The following PODXL variants were observed in gnomAD, a reference collection of about 807,000 sequenced individuals.
PODXL encodes the protein podocalyxin.
PODXL carries 20 observed loss-of-function variants against 48.9 expected under a neutral mutation model. The observed-to-expected ratio is 0.41, with a 90% CI of 0.29 to 0.59. The LOEUF (loss-of-function observed/expected upper bound fraction) is 0.59, where lower values mean the gene tolerates loss of function less well. Among genes scored for constraint, PODXL ranks in the 20% least tolerant of loss-of-function variants. The pLI, the probability that PODXL is intolerant of heterozygous loss-of-function variation, is 0.31. For missense variants in PODXL, 606 were observed against 675.1 expected (o/e 0.90, Z 1.13); for synonymous variants, 295 against 287.4 (o/e 1.03, Z -0.27).
At chr7:131,550,515 G>A (rs528734571) in intron 1 of PODXL, among the ~76,000 whole-genome samples, 6 of 152,140 alleles carry the variant, frequency 3.9e-5, no homozygotes, top group East Asian at 1.9e-4. Flanking sequence ...GTGTGGTGGC[G>A]CATGCCTGTA....
chr7:131,541,035 C>A (rs1476686844), intron 1 of PODXL, among the ~76,000 whole-genome samples: 1 of 152,206 alleles, frequency 6.6e-6, no homozygotes, highest in Non-Finnish European at 1.5e-5. Context: ...CGAGAATTCT[C>A]CCCTTCCAGG....
In PODXL at chr7:131,542,234, C is replaced by T. The variant is rs535023459; in HGVS notation, c.100+14026G>A. On this transcript the variant is annotated intron_variant, in intron 1 of 8. Coordinates refer to ENST00000378555, the MANE Select transcript of PODXL (RefSeq NM_001018111.3). ...CCCTGGCCCTCAAGGCTCCATGCCCCGTTCTCTCTCTGCCCTCTCTCTCTG... is the reference window on the plus strand; with the variant it reads ...CCCTGGCCCTCAAGGCTCCATGCCCTGTTCTCTCTCTGCCCTCTCTCTCTG... Among the ~76,000 whole-genome samples the T allele has an allele frequency of 2.6e-5, 4 of 152,324 alleles. No individual in the cohort carries two copies. The South Asian group carries it at 6.2e-4, about 24-fold the overall frequency.
At chr7:131,530,052 A>G (rs867916708) in intron 1 of PODXL, among the ~76,000 whole-genome samples, 5 of 151,326 alleles carry the variant, frequency 3.3e-5, no homozygotes, top group Admixed American at 6.6e-5. Context: ...TCTGCTCCAC[A>G]AGCCTCTTCT....
At chr7:131,547,160 GGTTGGGA>G (rs1798592483) in intron 1 of PODXL, among the ~76,000 whole-genome samples, 1 of 152,044 alleles carries the variant, frequency 6.6e-6, no homozygotes, top group Non-Finnish European at 1.5e-5. Flanking sequence ...GATCACCTGA[GGTTGGGA>G]GTTCAAGACC....
intron 1 of PODXL, among the ~76,000 whole-genome samples, chr7:131,520,755 T>G (rs541835990): frequency 6.6e-6 from 1 of 152,222 alleles, no homozygotes; most frequent in African/African-American, 2.4e-5. Flanking sequence ...AGAAAAAGAC[T>G]GATACATTTA....
chr7:131,510,083 C>T (rs892089532), intron 3 of PODXL, among the ~76,000 whole-genome samples, 153 bp downstream of exon 3: 3 of 152,182 alleles, frequency 2.0e-5, no homozygotes, highest in Admixed American at 2.0e-4. Context: ...CGCTCAGAAA[C>T]TCTGGGTCCA....
intron 1 of PODXL, among the ~76,000 whole-genome samples, chr7:131,547,234 G>A (rs552612252): frequency 7.2e-5 from 11 of 152,090 alleles, no homozygotes; most frequent in Admixed American, 4.6e-4. Flanking sequence ...TTAGGTGGGC[G>A]TGGTGGTGCA....
chr7:131,526,321 A>C (rs1798185271), intron 1 of PODXL, among the ~76,000 whole-genome samples: 1 of 152,204 alleles, frequency 6.6e-6, no homozygotes, highest in African/African-American at 2.4e-5. Context: ...GAGCAACAAA[A>C]CAAGAAATAC....
At chr7:131,525,647 G>T (rs1311853810) in intron 1 of PODXL, among the ~76,000 whole-genome samples, 3 of 151,596 alleles carry the variant, frequency 2.0e-5, no homozygotes, top group African/African-American at 7.3e-5. Flanking sequence ...GCTGAAGAGG[G>T]TGGAGAACAA....
intron 1 of PODXL, among the ~76,000 whole-genome samples, chr7:131,524,408 A>AGAGAGAGAGAGAGAGAGAGAGAGAGAGAG (rs367857912): frequency 6.0e-5 from 9 of 149,596 alleles, no homozygotes; most frequent in African/African-American, 9.8e-5. Flanking sequence ...AGAGAGAGAG[A>AGAGAGAGAGAGAGAGAGAGAGAGAGAGAG]AAACAACAAG....
intron 1 of PODXL, among the ~76,000 whole-genome samples, chr7:131,523,326 A>G (rs934359830): frequency 1.3e-5 from 2 of 152,250 alleles, no homozygotes; most frequent in Non-Finnish European, 2.9e-5. Context: ...GAGGCTCATC[A>G]TGGACAGTTC....
intron 1 of PODXL, among the ~76,000 whole-genome samples, chr7:131,523,293 T>C (rs990637931): frequency 3.7e-4 from 57 of 152,282 alleles, no homozygotes; most frequent in African/African-American, 1.2e-3. Flanking sequence ...CAACACTACA[T>C]AGAAAGGACA....
chr7:131,550,202 T>G (rs895184809), intron 1 of PODXL, among the ~76,000 whole-genome samples: 1 of 152,222 alleles, frequency 6.6e-6, no homozygotes, highest in Non-Finnish European at 1.5e-5. Flanking sequence ...TTAGGCACAA[T>G]GCATGGTGGC....
chr7:131,539,104 C>A (rs955540652), intron 1 of PODXL, among the ~76,000 whole-genome samples: 1 of 152,200 alleles, frequency 6.6e-6, no homozygotes, highest in Admixed American at 6.5e-5. Context: ...AAGTCACCAC[C>A]ACAGGACAGC....
chr7:131,506,481 A>G, intron 6 of PODXL, 98 bp downstream of exon 6: 2 of 1,443,992 alleles, frequency 1.4e-6, no homozygotes, highest in South Asian at 2.4e-5. Flanking sequence ...AGGGAACTGA[A>G]GGGGCACCAC....
chr7:131,518,768 C>T (rs1441894413), intron 1 of PODXL, among the ~76,000 whole-genome samples: 2 of 152,176 alleles, frequency 1.3e-5, no homozygotes, highest in African/African-American at 4.8e-5. Context: ...CTGACAGAAA[C>T]GTGGCAGCCT....
At position 131,509,567 on chromosome 7, in the gene PODXL, T is replaced by C. The variant is rs970322306; in HGVS notation, c.821A>G (p.Gln274Arg). ...CTGACTGGAGGTCTGTTGAGTTCTTTGCGAGATAACCGATGACGCTGTCAT... is the reference window on the plus strand; with the variant it reads ...CTGACTGGAGGTCTGTTGAGTTCTTCGCGAGATAACCGATGACGCTGTCAT... ...AGITASSVISQRTQQTSSQMP... is the reference protein window; with the variant it reads ...AGITASSVISRRTQQTSSQMP... Residue 274 changes from glutamine (Q) to arginine (R), a missense_variant, in exon 4 of 9, where the codon CAA (glutamine) becomes CGA (arginine). Transcript: ENST00000378555. 1 of 1,557,022 alleles carries C rather than the reference T, an allele frequency of 6.4e-7. No individual in the cohort carries two copies. Among genetic ancestry groups the C allele is most frequent in the Non-Finnish European group, 8.7e-7 (1 of 1,149,172 alleles).
Position 131,504,366 on chromosome 7 carries a change from G to T in PODXL, c.1622C>A (p.Pro541His), listed in dbSNP as rs527371771. The T allele has an allele frequency of 6.2e-7, 1 of 1,614,208 alleles. No homozygotes were observed. The highest frequency in any genetic ancestry group is 1.7e-5 in the Admixed American group (1 of 60,028). Residue 541 changes from proline (P) to histidine (H), a missense_variant, in exon 9 of 9, where the codon CCT (proline) becomes CAT (histidine). Physicochemically the swap from Pro to His is moderately conservative, Grantham distance 77 (BLOSUM62 -2). Transcript: ENST00000378555. ...NGELGDSWIVPLDNLTKDDLD... is the reference protein window; with the variant it reads ...NGELGDSWIVHLDNLTKDDLD... ...GTCGTCCTTGGTCAGGTTGTCCAGA[G>T]GGACGATCCAGCTGTCCCCCAGCTC...
intron 1 of PODXL, among the ~76,000 whole-genome samples, chr7:131,548,762 G>A (rs1798623084): frequency 6.6e-6 from 1 of 152,222 alleles, no homozygotes; most frequent in Admixed American, 6.5e-5. Flanking sequence ...GGTGGGGACA[G>A]CACAGGAGAC....
Sources: gnomAD v4.1 joint callset for allele counts (sites outside exome capture counted in the v4.1 genomes callset) on GRCh38, gnomAD v4.1.1 for gene constraint, MANE v1.5 for transcripts, NCBI Gene and HGNC (gene_info 2026-07-23, HGNC 2026-07-21) for gene names.